VPS13D: variants seen among roughly 807,000 people sequenced by gnomAD.
VPS13D encodes vacuolar protein sorting 13 homolog D.
In VPS13D, 187 loss-of-function variants were observed where a neutral mutation model predicts 461.9. That is an observed-to-expected ratio of 0.40 (90% CI 0.36 to 0.46). VPS13D has a LOEUF of 0.46. Ranked by LOEUF, VPS13D falls within the 20% of genes least tolerant of loss-of-function variation. VPS13D has a pLI of 0.60. For missense variants in VPS13D, 4,711 were observed against 5,364.9 expected, an observed-to-expected ratio of 0.88 and a Z score of 3.81; for synonymous variants, 1,951 against 1,986.3, an observed-to-expected ratio of 0.98 and a Z score of 0.47.
chr1:12,253,959 C>T, intron 7 of VPS13D, 133 bp downstream of exon 7: 4 of 674,874 alleles, frequency 5.9e-6, no homozygotes, highest in Non-Finnish European at 1.0e-5. Flanking sequence ...AAGCCATTCA[C>T]TCTCAAGTGT....
chr1:12,424,433 C>T (rs565944716), intron 65 of VPS13D, among the ~76,000 whole-genome samples: 1 of 152,284 alleles, frequency 6.6e-6, no homozygotes, highest in African/African-American at 2.4e-5. Context: ...GGGCAACTGT[C>T]AACCATCTTG....
Position 12,327,615 on chromosome 1 carries a change from G to A in VPS13D, c.7991-33G>A, listed in dbSNP as rs779178425. On this transcript the variant is annotated intron_variant, in intron 35 of 69. Transcript: ENST00000620676. ...AGTGGCTAGGGTAGCTGTGGAAGCT[G>A]GTAGAACTGATCACTTCTTAATTTC... The A allele has an allele frequency of 5.0e-6, 8 of 1,609,718 alleles. No individual in the cohort carries two copies. In the Admixed American group the frequency reaches 1.3e-4, roughly 27 times the overall value.
rs191451281 is a variant in VPS13D at position 12,333,442 on chromosome 1, G to A, written c.8428+76G>A. On this transcript the variant is annotated intron_variant, in intron 38 of 69. Transcript: ENST00000620676. Reference sequence around the variant, plus strand: ...CTGAGTCTGGAAGACTATTAATCCTGGTTTAGCAAATACCTGGGCCTGTAC... The same window carrying A: ...CTGAGTCTGGAAGACTATTAATCCTAGTTTAGCAAATACCTGGGCCTGTAC... 7.8e-5 allele frequency: 122 copies of A among 1,558,074 alleles called. 1 individual carries two copies. In the East Asian group the frequency reaches 1.6e-3, roughly 20 times the overall value.
intron 2 of VPS13D, among the ~76,000 whole-genome samples, chr1:12,240,411 A>G (rs1640307030): frequency 6.6e-6 from 1 of 152,016 alleles, no homozygotes; most frequent in Non-Finnish European, 1.5e-5. Flanking sequence ...CCTGATCAAT[A>G]TGGTGAAACC....
chr1:12,371,390 CT>C (rs1286829007), intron 54 of VPS13D, among the ~76,000 whole-genome samples: 2,923 of 135,106 alleles, frequency 0.022, 80 homozygotes, highest in Admixed American at 0.1. Flanking sequence ...ATGCTTCATT[CT>C]TTTTTTTTTT....
chr1:12,387,540 G>T (rs1284684284), intron 60 of VPS13D, among the ~76,000 whole-genome samples: 1 of 151,516 alleles, frequency 6.6e-6, no homozygotes, highest in African/African-American at 2.4e-5. Context: ...TATTCTCTGT[G>T]TTCAAAAGGT....
chr1:12,349,608 C>T (rs1557725366), intron 46 of VPS13D, among the ~76,000 whole-genome samples: 1 of 152,048 alleles, frequency 6.6e-6, no homozygotes, highest in Non-Finnish European at 1.5e-5. Context: ...ATGCTATTTA[C>T]ACATACAAGA....
intron 67 of VPS13D, chr1:12,464,985 C>G (rs548570668): frequency 6.6e-5 from 10 of 152,318 alleles, no homozygotes; most frequent in African/African-American, 2.4e-4. Context: ...ATGTGAAGAG[C>G]CTGCTACCCT....
chr1:12,348,994 A>C (rs755396249), intron 45 of VPS13D, 21 bp downstream of exon 45: 1 of 1,614,024 alleles, frequency 6.2e-7, no homozygotes, highest in South Asian at 1.1e-5. Context: ...ATTGTCTAGC[A>C]TATAGTAAAT....
At chr1:12,383,376 T>G (rs1330760268) in intron 58 of VPS13D, among the ~76,000 whole-genome samples, 1 of 152,198 alleles carries the variant, frequency 6.6e-6, no homozygotes, top group Non-Finnish European at 1.5e-5. Flanking sequence ...CAATGAAATA[T>G]GTGGTAACCT....
intron 65 of VPS13D, among the ~76,000 whole-genome samples, chr1:12,439,249 C>T (rs896194538): frequency 6.6e-6 from 1 of 152,180 alleles, no homozygotes; most frequent in Admixed American, 6.5e-5. Flanking sequence ...TCACCACCCT[C>T]CACCCCTCAC....
intron 65 of VPS13D, among the ~76,000 whole-genome samples, chr1:12,435,141 A>G (rs1430596743): frequency 6.6e-6 from 1 of 152,212 alleles, no homozygotes; most frequent in Admixed American, 6.5e-5. Flanking sequence ...ATAGACACTG[A>G]TACTGATTGC....
rs566627214 is a variant in VPS13D, at chr1:12,486,568, C to T, written c.12663-10932C>T. Among the ~76,000 whole-genome samples, 13 of 152,292 alleles carry T rather than the reference C, an allele frequency of 8.5e-5. No individual in the cohort carries two copies. The South Asian group carries it at 1.0e-3, about 12-fold the overall frequency. ...AAAAGTGCAGACGGTGCACGTTCCC[C>T]GGAGGCCACCAGGCAGCTCTCCAGT... On this transcript the variant is annotated intron_variant, in intron 67 of 69. Transcript: ENST00000620676.
At chr1:12,415,508 A>G (rs1408463611) in intron 64 of VPS13D, among the ~76,000 whole-genome samples, 2 of 152,188 alleles carry the variant, frequency 1.3e-5, no homozygotes, top group African/African-American at 4.8e-5. Context: ...TTTAATAATA[A>G]CAAAATAATG....
intron 46 of VPS13D, among the ~76,000 whole-genome samples, chr1:12,353,551 A>T (rs980810773): frequency 6.6e-6 from 1 of 151,496 alleles, no homozygotes; most frequent in African/African-American, 2.4e-5. Context: ...AAAAAAAAAA[A>T]AAAAACCAGA....
chr1:12,300,207 C>CTT (rs35299447), intron 25 of VPS13D, among the ~76,000 whole-genome samples: 3,158 of 123,264 alleles, frequency 0.026, 115 homozygotes, highest in Non-Finnish European at 0.034. Flanking sequence ...ATTTGCTTTG[C>CTT]TTTTTTTTTT....
intron 20 of VPS13D, among the ~76,000 whole-genome samples, chr1:12,281,393 G>A (rs761229934): frequency 2.6e-5 from 4 of 151,996 alleles, no homozygotes; most frequent in African/African-American, 7.3e-5. Context: ...CCCCCATGTC[G>A]TATTTTGTTG....
In VPS13D at chr1:12,508,967, A is replaced by G; in HGVS notation, c.13110A>G (p.Glu4370=). Residue 4370 remains glutamate, a synonymous_variant, in exon 70 of 70, where the codon GAA becomes GAG. Coordinates refer to ENST00000620676, the MANE Select transcript of VPS13D (RefSeq NM_015378.4). ...EINYAKSLYY[E]QQLMLRLSEN... is the part of the protein sequence containing the mutation. ...ACTACGCAAAGAGCCTCTACTATGA[A>G]CAGCAGCTTATGTTAAGACTCAGCG... 6.2e-7 allele frequency: 1 copy of G among 1,614,176 alleles called. No individual in the cohort carries two copies. The highest frequency in any genetic ancestry group is 1.3e-5 in the African/African-American group (1 of 75,042).
chr1:12,246,971 T>C (rs914430319), intron 5 of VPS13D, among the ~76,000 whole-genome samples: 16 of 152,220 alleles, frequency 1.1e-4, no homozygotes, highest in Non-Finnish European at 1.8e-4. Flanking sequence ...TGAACATGTT[T>C]TCAGTTGTCT....
Sources: gnomAD v4.1 joint callset for allele counts (sites outside exome capture counted in the v4.1 genomes callset) on GRCh38, gnomAD v4.1.1 for gene constraint, MANE v1.5 for transcripts, NCBI Gene and HGNC (gene_info 2026-07-23, HGNC 2026-07-21) for gene names.